Variants in NCKAP5 observed in about 807,000 individuals in gnomAD.
NCKAP5 encodes NCK associated protein 5.
In NCKAP5, 92 loss-of-function variants were observed where a neutral mutation model predicts 167.0. The ratio of observed to expected loss-of-function variants is 0.55; its 90% CI spans 0.47 to 0.66. The LOEUF (loss-of-function observed/expected upper bound fraction) is 0.66. Ranked by LOEUF, NCKAP5 falls within the 30% of genes least tolerant of loss-of-function variation. The pLI is 0.00. For synonymous variants in NCKAP5, 891 were observed against 877.4 expected, an observed-to-expected ratio of 1.02 and a Z score of -0.27; for missense variants, 2,378 against 2,315.0, an observed-to-expected ratio of 1.03 and a Z score of -0.56.
In NCKAP5 at chr2:132,878,704, A is replaced by G. The variant is rs1178841006; in HGVS notation, c.648+144T>C. On this transcript the variant is annotated intron_variant, in intron 9 of 19. Transcript: ENST00000409261. ...GCCCACACACACACACTTCCTTTTCAATGGCTACATGTTTACTACATTTCT... is the reference window on the plus strand; with the variant it reads ...GCCCACACACACACACTTCCTTTTCGATGGCTACATGTTTACTACATTTCT... 4 of 682,222 alleles carry G rather than the reference A, an allele frequency of 5.9e-6. No individual in the cohort carries two copies. The East Asian group carries it at 1.1e-4, about 18-fold the overall frequency. 42.3% of individuals were successfully genotyped at this position (682,222 alleles called of 1,614,324 possible). A position where few individuals can be genotyped will look rare whatever the true frequency, so the allele number is the denominator to read the frequency against.
intron 8 of NCKAP5, among the ~76,000 whole-genome samples, chr2:132,960,258 T>C (rs2076471740): frequency 6.6e-6 from 1 of 152,146 alleles, no homozygotes; most frequent in South Asian, 2.1e-4. Flanking sequence ...TGATATGGAA[T>C]GAGCCCATGA....
intron 3 of NCKAP5, among the ~76,000 whole-genome samples, chr2:133,314,689 G>A: frequency 6.6e-6 from 1 of 152,202 alleles, no homozygotes; most frequent in African/African-American, 2.4e-5. Flanking sequence ...CATGTACAGT[G>A]CAGGCAAGTC....
intron 8 of NCKAP5, among the ~76,000 whole-genome samples, chr2:132,880,807 C>G (rs1479394261): frequency 6.6e-6 from 1 of 152,114 alleles, no homozygotes; most frequent in Non-Finnish European, 1.5e-5. Context: ...AAATCCTTTC[C>G]TAAGATTCAC....
the NCKAP5 span, among the ~76,000 whole-genome samples, chr2:133,590,845 G>A: frequency 1.3e-5 from 2 of 152,006 alleles, no homozygotes; most frequent in African/African-American, 4.8e-5. Flanking sequence ...GCCTTCTCAT[G>A]TTTCCGAAAG....
the NCKAP5 span, among the ~76,000 whole-genome samples, chr2:133,601,221 G>A: frequency 6.6e-6 from 1 of 152,178 alleles, no homozygotes; most frequent in Non-Finnish European, 1.5e-5. Flanking sequence ...CTGATAGAAG[G>A]CAAATTGGGT....
In NCKAP5 at chr2:132,907,572, G is replaced by A. The variant is rs1694095169; in HGVS notation, c.580-28656C>T. On this transcript the variant is annotated intron_variant, in intron 8 of 19. Transcript: ENST00000409261. Reference sequence around the variant, plus strand: ...TCACCTGTATGTGCACTAAGAGGCAGTATGATTGCCTCATAATCAAGGCTC... The same window carrying A: ...TCACCTGTATGTGCACTAAGAGGCAATATGATTGCCTCATAATCAAGGCTC... 2.0e-5 allele frequency among the ~76,000 whole-genome samples: 3 copies of A among 150,486 alleles called. No individual in the cohort carries two copies. In the South Asian group the frequency reaches 6.3e-4, roughly 32 times the overall value.
intron 3 of NCKAP5, among the ~76,000 whole-genome samples, chr2:133,463,760 A>T (rs750399461): frequency 3.9e-5 from 6 of 152,208 alleles, no homozygotes; most frequent in Non-Finnish European, 7.3e-5. Context: ...AGACAAATTA[A>T]TATTTTACAT....
chr2:133,600,691 G>A, the NCKAP5 span, among the ~76,000 whole-genome samples: 1,872 of 152,356 alleles, frequency 0.012, 38 homozygotes, highest in African/African-American at 0.043. Flanking sequence ...AGCGGAGAAA[G>A]TTCTTTGCCA....
chr2:132,729,028 G>C (rs1442961792), intron 17 of NCKAP5, 76 bp from the exon 18 acceptor site: 13 of 1,567,574 alleles, frequency 8.3e-6, no homozygotes, highest in Non-Finnish European at 1.1e-5. Context: ...GGAGGTGGGG[G>C]AGACATTCAG....
intron 5 of NCKAP5, among the ~76,000 whole-genome samples, chr2:133,136,010 T>C (rs558285378): frequency 2.0e-3 from 301 of 152,340 alleles, no homozygotes; most frequent in Non-Finnish European, 3.1e-3. Context: ...TCTAAGCAGA[T>C]CATACATTAA....
intron 19 of NCKAP5, among the ~76,000 whole-genome samples, chr2:132,690,550 A>G (rs1652512762): frequency 1.3e-5 from 2 of 152,202 alleles, no homozygotes; most frequent in South Asian, 2.1e-4. Context: ...GCTTGTATCA[A>G]TTAGCCTCGG....
chr2:132,851,388 G>T (rs956513048), intron 11 of NCKAP5, among the ~76,000 whole-genome samples: 1 of 152,146 alleles, frequency 6.6e-6, no homozygotes, highest in Non-Finnish European at 1.5e-5. Flanking sequence ...AGTGGCATTA[G>T]GATATGAGAG....
intron 19 of NCKAP5, among the ~76,000 whole-genome samples, chr2:132,712,825 C>G (rs1175120132): frequency 1.3e-5 from 2 of 152,054 alleles, no homozygotes; most frequent in East Asian, 3.9e-4. Flanking sequence ...AGAACAAGAG[C>G]AATTTGATGG....
At chr2:133,614,350 C>T in the NCKAP5 span, among the ~76,000 whole-genome samples, 6 of 152,174 alleles carry the variant, frequency 3.9e-5, no homozygotes, top group East Asian at 5.8e-4. Context: ...CAAATTACTC[C>T]GAGCTACGGG....
the NCKAP5 span, among the ~76,000 whole-genome samples, chr2:133,668,170 T>C: frequency 3.3e-5 from 5 of 152,150 alleles, no homozygotes; most frequent in Middle Eastern, 0.014. Context: ...ATTTCCTTTA[T>C]CCATTTATCA....
At chr2:133,354,848 A>G (rs113290349) in intron 3 of NCKAP5, among the ~76,000 whole-genome samples, 2,284 of 152,316 alleles carry the variant, frequency 0.015, 53 homozygotes, top group African/African-American at 0.052. Context: ...AAGACATTCT[A>G]AAGAGGATGC....
chr2:133,649,009 A>T, the NCKAP5 span, among the ~76,000 whole-genome samples: 387 of 152,116 alleles, frequency 2.5e-3, 2 homozygotes, highest in Middle Eastern at 0.017. Context: ...ATACACTAAG[A>T]AAAAGAGAAA....
intron 7 of NCKAP5, among the ~76,000 whole-genome samples, chr2:132,990,918 G>A (rs2077430868): frequency 6.6e-6 from 1 of 152,184 alleles, no homozygotes; most frequent in Admixed American, 6.5e-5. Flanking sequence ...TGAAAAACTG[G>A]CATTTGAATG....
intron 19 of NCKAP5, among the ~76,000 whole-genome samples, chr2:132,699,469 TCCCTCCCCACTCCC>T (rs1266364490): frequency 6.6e-6 from 1 of 151,974 alleles, no homozygotes; most frequent in Non-Finnish European, 1.5e-5. Context: ...CCTAATGCTA[TCCCTCCCCACTCCC>T]CCCTCCCCAC....
Sources: allele counts gnomAD v4.1 joint callset (sites outside exome capture counted in the v4.1 genomes callset), GRCh38; gene constraint gnomAD v4.1.1; transcripts MANE v1.5; gene names NCBI Gene and HGNC (gene_info 2026-07-23, HGNC 2026-07-21).